Variants in SYT1 observed in about 807,000 individuals in gnomAD.
SYT1 encodes synaptotagmin 1.
Under a neutral mutation model 44.8 loss-of-function variants are expected in SYT1, and 8 were observed. The ratio of observed to expected loss-of-function variants is 0.18; its 90% CI spans 0.10 to 0.32. The LOEUF (loss-of-function observed/expected upper bound fraction) is 0.32, where lower values mean the gene tolerates loss of function less well. Ranked by LOEUF, SYT1 falls within the 10% of genes least tolerant of loss-of-function variation. SYT1 has a pLI of 1.00. For synonymous variants in SYT1, 154 were observed against 188.8 expected (o/e 0.82, Z 1.51); for missense variants, 286 against 509.3 (o/e 0.56, Z 4.22).
At chr12:79,268,971 C>T (rs371312717) in intron 4 of SYT1, among the ~76,000 whole-genome samples, 8 of 152,146 alleles carry the variant, frequency 5.3e-5, no homozygotes, top group South Asian at 4.2e-4. Flanking sequence ...GGAAAAGAAA[C>T]GGTGTCTTCC....
intron 3 of SYT1, among the ~76,000 whole-genome samples, chr12:79,181,553 T>C (rs1208468009): frequency 1.3e-5 from 2 of 152,024 alleles, no homozygotes; most frequent in Non-Finnish European, 2.9e-5. Context: ...ATCAACCGTA[T>C]ACCTTTCTAG....
chr12:79,267,023 G>A (rs547681344), intron 4 of SYT1, among the ~76,000 whole-genome samples: 1 of 152,028 alleles, frequency 6.6e-6, no homozygotes, highest in Non-Finnish European at 1.5e-5. Context: ...TGCTGTCAAT[G>A]CAATCAAATC....
At chr12:79,174,732 G>A (rs538958207) in intron 3 of SYT1, among the ~76,000 whole-genome samples, 96 of 152,082 alleles carry the variant, frequency 6.3e-4, no homozygotes, top group Admixed American at 2.2e-3. Context: ...CCTTTGGAAT[G>A]GTATTGCCAA....
chr12:79,079,004 G>A (rs1876850996), intron 3 of SYT1, among the ~76,000 whole-genome samples: 1 of 152,128 alleles, frequency 6.6e-6, no homozygotes, highest in Non-Finnish European at 1.5e-5. Context: ...AAGAATGCAT[G>A]AGATCCACCT....
At chr12:79,085,470 A>G (rs1877319389) in intron 3 of SYT1, among the ~76,000 whole-genome samples, 1 of 152,116 alleles carries the variant, frequency 6.6e-6, no homozygotes, top group Admixed American at 6.6e-5. Context: ...TGGAAAATGC[A>G]ACTGGCCATG....
chr12:78,971,564 T>G (rs1868388310), intron 1 of SYT1, among the ~76,000 whole-genome samples: 1 of 152,216 alleles, frequency 6.6e-6, no homozygotes, highest in African/African-American at 2.4e-5. Context: ...CTTGTGTCTT[T>G]CATTTCACAT....
At chr12:78,973,930 AAAAAAAAAAT>A (rs1565743837) in intron 1 of SYT1, among the ~76,000 whole-genome samples, 4 of 42,558 alleles carry the variant, frequency 9.4e-5, no homozygotes, top group East Asian at 5.4e-4. Flanking sequence ...AAAAAAAAAA[AAAAAAAAAAT>A]ATATATATAT....
At chr12:79,187,382 C>T (rs542709144) in intron 3 of SYT1, among the ~76,000 whole-genome samples, 25 of 152,164 alleles carry the variant, frequency 1.6e-4, no homozygotes, top group African/African-American at 3.1e-4. Flanking sequence ...CAGAAAGCAA[C>T]GCTCCTAGCA....
intron 3 of SYT1, among the ~76,000 whole-genome samples, chr12:79,116,103 T>G (rs1210677415): frequency 6.6e-6 from 1 of 152,190 alleles, no homozygotes; most frequent in African/African-American, 2.4e-5. Flanking sequence ...TCAGGTACCT[T>G]GTCATTAAAA....
intron 1 of SYT1, among the ~76,000 whole-genome samples, chr12:78,966,417 G>A (rs566371946): frequency 6.6e-6 from 1 of 152,102 alleles, no homozygotes; most frequent in Non-Finnish European, 1.5e-5. Flanking sequence ...CTCTAGGCCA[G>A]TGTGTGTTAA....
intron 6 of SYT1, among the ~76,000 whole-genome samples, chr12:79,293,390 TAAAATAAAATAAAATAAAA>T (rs1879716588): frequency 5.9e-5 from 4 of 68,010 alleles, no homozygotes; most frequent in South Asian, 5.5e-4. Flanking sequence ...TAAAATAAAA[TAAAATAAAATAAAATAAAA>T]TTAAAAAATC....
chr12:79,448,011 G>A (rs1321360720), intron 10 of SYT1, among the ~76,000 whole-genome samples: 1 of 152,110 alleles, frequency 6.6e-6, no homozygotes, highest in East Asian at 1.9e-4. Context: ...ACACTCAGCT[G>A]CTAGATTGAA....
chr12:79,396,402 C>T (rs1196143604), intron 9 of SYT1, among the ~76,000 whole-genome samples: 2 of 152,146 alleles, frequency 1.3e-5, no homozygotes, highest in Non-Finnish European at 2.9e-5. Context: ...TCTCAACCCT[C>T]CCAGTACATC....
chr12:79,309,666 G>A (rs1251166420), intron 8 of SYT1, among the ~76,000 whole-genome samples: 3 of 152,208 alleles, frequency 2.0e-5, no homozygotes, highest in Non-Finnish European at 4.4e-5. Flanking sequence ...TCTAGGCTCC[G>A]ATAATCACTG....
intron 4 of SYT1, among the ~76,000 whole-genome samples, chr12:79,237,322 A>G (rs1372499876): frequency 6.6e-6 from 1 of 152,214 alleles, no homozygotes; most frequent in Non-Finnish European, 1.5e-5. Flanking sequence ...GACCACATAC[A>G]AGTTTAGGTT....
intron 3 of SYT1, among the ~76,000 whole-genome samples, chr12:79,124,601 A>ACCATTATCATCATCACCATCG (rs1258826704): frequency 2.1e-3 from 318 of 151,972 alleles, no homozygotes; most frequent in Admixed American, 4.4e-3. Flanking sequence ...CATCATCATC[A>ACCATTATCATCATCACCATCG]CCATTATCAT....
intron 2 of SYT1, among the ~76,000 whole-genome samples, chr12:79,039,600 T>C (rs887349911): frequency 6.6e-6 from 1 of 150,508 alleles, no homozygotes; most frequent in African/African-American, 2.4e-5. Flanking sequence ...TTTATTTTTT[T>C]ATTTTTTATT....
At chr12:79,410,876 A>C (rs893536134) in intron 9 of SYT1, among the ~76,000 whole-genome samples, 7 of 152,296 alleles carry the variant, frequency 4.6e-5, no homozygotes, top group African/African-American at 1.4e-4. Flanking sequence ...GAAATTCAGC[A>C]TGCTAGTGTA....
At chr12:78,900,073 AT>A (rs1173757791) in intron 1 of SYT1, among the ~76,000 whole-genome samples, 1 of 152,096 alleles carries the variant, frequency 6.6e-6, no homozygotes, top group Non-Finnish European at 1.5e-5. Context: ...AATCAAATAA[AT>A]GGTCATTGAA....
Sources: allele counts gnomAD v4.1 joint callset (sites outside exome capture counted in the v4.1 genomes callset), GRCh38; gene constraint gnomAD v4.1.1; transcripts MANE v1.5; gene names NCBI Gene and HGNC (gene_info 2026-07-23, HGNC 2026-07-21).